FAM107B: variants seen among roughly 807,000 people sequenced by gnomAD.
The protein encoded by FAM107B is family with sequence similarity 107 member B.
Under a neutral mutation model 31.5 loss-of-function variants are expected in FAM107B, and 21 were observed. The ratio of observed to expected loss-of-function variants is 0.67; its 90% CI spans 0.47 to 0.96. The LOEUF is 0.96. Among genes scored for constraint, FAM107B ranks in the 40% least tolerant of loss-of-function variants. The pLI, the probability that FAM107B is intolerant of heterozygous loss-of-function variation, is 0.00. For synonymous variants in FAM107B, 157 were observed against 141.5 expected (o/e 1.11, Z -0.78); for missense variants, 452 against 377.1 (o/e 1.20, Z -1.64).
At chr10:14,742,357 G>C (rs1214227713) in intron 1 of FAM107B, among the ~76,000 whole-genome samples, 2 of 148,812 alleles carry the variant, frequency 1.3e-5, no homozygotes, top group Non-Finnish European at 3.0e-5. Context: ...GTCTCAATCA[G>C]TCCTCCCACC....
In FAM107B at chr10:14,726,057, G is replaced by A. The variant is rs146518820; in HGVS notation, c.411+48196C>T. Among the ~76,000 whole-genome samples the A allele has an allele frequency of 3.4e-3, 521 of 151,586 alleles. 11 individuals carry two copies. The East Asian group carries it at 0.046, about 13-fold the overall frequency. On this transcript the variant is annotated intron_variant, in intron 1 of 4. Transcript: ENST00000181796. ...TGCCATGGCTAGAATGCAATGGCGC[G>A]ATCTCAGCTCACTGCAACCTCCGCC...
At chr10:14,571,830 A>G (rs1351227166) in intron 2 of FAM107B, 31 of 985,368 alleles carry the variant, frequency 3.1e-5, no homozygotes, top group Non-Finnish European at 3.7e-5. Flanking sequence ...ATCATCCTTT[A>G]GCAAGAGAAG....
At chr10:14,745,152 T>A (rs987511654) in intron 1 of FAM107B, among the ~76,000 whole-genome samples, 29 of 152,152 alleles carry the variant, frequency 1.9e-4, no homozygotes, top group African/African-American at 7.0e-4. Flanking sequence ...AGTGGTGATA[T>A]CCCCTTTATC....
chr10:14,525,327 TCTCGGTCAGGTAGCTAC>T (rs535415817), intron 3 of FAM107B, among the ~76,000 whole-genome samples: 1,622 of 152,284 alleles, frequency 0.011, 29 homozygotes, highest in African/African-American at 0.037. Flanking sequence ...CAAGTCGGCT[TCTCGGTCAGGTAGCTAC>T]CTGTGACTAC....
intron 3 of FAM107B, chr10:14,522,311 T>A: frequency 3.0e-6 from 1 of 335,666 alleles, no homozygotes; most frequent in South Asian, 4.1e-5. Context: ...AGGGTGGGGA[T>A]GTGCGTACGA....
At chr10:14,595,977 T>C (rs1360823935) in intron 2 of FAM107B, among the ~76,000 whole-genome samples, 1 of 152,184 alleles carries the variant, frequency 6.6e-6, no homozygotes, top group Admixed American at 6.5e-5. Flanking sequence ...CTGCACGCCC[T>C]GCTCAGAACT....
At chr10:14,638,881 C>G (rs1016159644) in intron 2 of FAM107B, among the ~76,000 whole-genome samples, 1 of 152,112 alleles carries the variant, frequency 6.6e-6, no homozygotes, top group African/African-American at 2.4e-5. Flanking sequence ...CTAGAGTGTT[C>G]TCTGTCTATC....
Position 14,774,534 on chromosome 10 carries a change from C to A in FAM107B, c.130G>T (p.Gly44Cys), listed in dbSNP as rs1442648088. 3.1e-6 allele frequency: 5 copies of A among 1,614,180 alleles called. No individual in the cohort carries two copies. The South Asian group carries it at 3.3e-5, about 11-fold the overall frequency. Residue 44 changes from glycine to cysteine, a missense_variant, in exon 1 of 5, where the codon GGC becomes TGC. Physicochemically the swap from Gly to Cys is radical, Grantham distance 159. Coordinates refer to ENST00000181796, the MANE Select transcript of FAM107B (RefSeq NM_031453.4). ...TRESASFNQS[G>C]VADTHSTVRV... is the part of the protein sequence containing the mutation. ...ACGGTGGAATGAGTATCAGCCACGC[C>A]GGACTGATTGAAGGAAGCACTCTCC...
chr10:14,738,171 A>G (rs941093191), intron 1 of FAM107B, among the ~76,000 whole-genome samples: 2 of 152,196 alleles, frequency 1.3e-5, no homozygotes, highest in African/African-American at 4.8e-5. Flanking sequence ...TGACTTGCCC[A>G]ACATCCCAAA....
chr10:14,590,944 G>A (rs1021740222), intron 2 of FAM107B, among the ~76,000 whole-genome samples: 5 of 138,416 alleles, frequency 3.6e-5, no homozygotes, highest in Admixed American at 8.0e-5. Flanking sequence ...AGCCGAGATC[G>A]TTCCACTGCA....
chr10:14,622,231 C>G (rs561209714), intron 2 of FAM107B, among the ~76,000 whole-genome samples: 1 of 151,910 alleles, frequency 6.6e-6, no homozygotes, highest in South Asian at 2.1e-4. Context: ...TACAGCCTAG[C>G]AGAGGAGACA....
At chr10:14,596,579 T>C (rs1284947813) in intron 2 of FAM107B, among the ~76,000 whole-genome samples, 1 of 152,220 alleles carries the variant, frequency 6.6e-6, no homozygotes, top group Non-Finnish European at 1.5e-5. Context: ...GTATTATTAC[T>C]GCATTTCACA....
chr10:14,703,238 A>G (rs1855443411), intron 1 of FAM107B, among the ~76,000 whole-genome samples: 1 of 152,014 alleles, frequency 6.6e-6, no homozygotes, highest in African/African-American at 2.4e-5. Context: ...TTTTTCAATG[A>G]ACCCTCCAAG....
At chr10:14,709,093 G>A (rs1031027166) in intron 1 of FAM107B, among the ~76,000 whole-genome samples, 36 of 152,314 alleles carry the variant, frequency 2.4e-4, no homozygotes, top group Admixed American at 1.9e-3. Flanking sequence ...ATTCTTTACT[G>A]GTGAAATACA....
intron 2 of FAM107B, among the ~76,000 whole-genome samples, chr10:14,606,977 A>C (rs1588655338): frequency 6.6e-6 from 1 of 152,232 alleles, no homozygotes; most frequent in Admixed American, 6.5e-5. Flanking sequence ...TCGAGATTCT[A>C]ACCAAAGATG....
chr10:14,585,151 G>A (rs191756522), intron 2 of FAM107B, among the ~76,000 whole-genome samples: 3 of 152,228 alleles, frequency 2.0e-5, no homozygotes, highest in East Asian at 3.9e-4. Flanking sequence ...TGCCCAGCCC[G>A]CTCCCACCCT....
intron 2 of FAM107B, among the ~76,000 whole-genome samples, chr10:14,619,684 T>C (rs1852948961): frequency 7.2e-6 from 1 of 138,708 alleles, no homozygotes. Flanking sequence ...TGCCTTCTTT[T>C]ACGATTTGTG....
At chr10:14,527,658 TAGAA>T (rs561371321) in intron 3 of FAM107B, among the ~76,000 whole-genome samples, 7 of 152,370 alleles carry the variant, frequency 4.6e-5, no homozygotes, top group African/African-American at 7.2e-5. Flanking sequence ...ACTGGGCTAT[TAGAA>T]AGAGCACCAG....
At chr10:14,553,295 C>T (rs188159688) in intron 2 of FAM107B, 5 of 1,206,506 alleles carry the variant, frequency 4.1e-6, no homozygotes, top group Admixed American at 2.9e-5. Flanking sequence ...TAAAGATGAC[C>T]GAGACAGTAA....
Sources: allele counts gnomAD v4.1 joint callset (sites outside exome capture counted in the v4.1 genomes callset), GRCh38; gene constraint gnomAD v4.1.1; transcripts MANE v1.5; gene names NCBI Gene and HGNC (gene_info 2026-07-23, HGNC 2026-07-21).